AKT3: variants seen among roughly 807,000 people sequenced by gnomAD.
The protein encoded by AKT3 is AKT serine/threonine kinase 3.
Under a neutral mutation model 65.3 loss-of-function variants are expected in AKT3, and 15 were observed. That is an observed-to-expected ratio of 0.23 (90% CI 0.15 to 0.35). AKT3 has a LOEUF of 0.35. Ranked by LOEUF, AKT3 falls within the 10% of genes least tolerant of loss-of-function variation. AKT3 has a pLI of 1.00. For synonymous variants in AKT3, 206 were observed against 183.8 expected (o/e 1.12, Z -0.98); for missense variants, 243 against 576.5 (o/e 0.42, Z 5.92).
intron 6 of AKT3, among the ~76,000 whole-genome samples, chr1:243,624,192 G>A (rs6675851): frequency 0.21 from 32,327 of 152,066 alleles, 3,674 homozygotes; most frequent in African/African-American, 0.27. Flanking sequence ...ATGCCTAAAT[G>A]GGTATACAGT....
At chr1:243,499,170 T>G (rs1668850608), downstream of AKT3, among the ~76,000 whole-genome samples, 1 of 152,244 alleles carries the variant, frequency 6.6e-6, no homozygotes, top group Non-Finnish European at 1.5e-5. Context: ...GAAGCTACTT[T>G]GGAACATTTG....
chr1:243,701,419 T>C (rs1685454730), intron 2 of AKT3, among the ~76,000 whole-genome samples: 1 of 152,214 alleles, frequency 6.6e-6, no homozygotes, highest in Non-Finnish European at 1.5e-5. Flanking sequence ...TTGAGAATAC[T>C]GCAGAAATAC....
chr1:243,689,490 T>A (rs971378075), intron 3 of AKT3, among the ~76,000 whole-genome samples: 1 of 150,616 alleles, frequency 6.6e-6, no homozygotes, highest in Non-Finnish European at 1.5e-5. Flanking sequence ...AGATTTTTTT[T>A]TTTTTTTTTT....
intron 2 of AKT3, among the ~76,000 whole-genome samples, chr1:243,713,354 C>A (rs373714905): frequency 6.6e-6 from 1 of 152,006 alleles, no homozygotes. Context: ...GTATTAAACC[C>A]CTAAACTAAT....
intron 3 of AKT3, among the ~76,000 whole-genome samples, chr1:243,667,170 G>A (rs949343025): frequency 1.3e-5 from 2 of 152,206 alleles, no homozygotes; most frequent in East Asian, 1.9e-4. Flanking sequence ...GAGACCATTC[G>A]TAACTGGTTT....
chr1:243,789,115 CA>C (rs1341477742), intron 2 of AKT3, among the ~76,000 whole-genome samples: 1 of 152,208 alleles, frequency 6.6e-6, no homozygotes, highest in Non-Finnish European at 1.5e-5. Context: ...TGGTAGCTCA[CA>C]CCTGTATTCC....
intron 2 of AKT3, among the ~76,000 whole-genome samples, chr1:243,825,860 G>A (rs1319656168): frequency 1.3e-5 from 2 of 151,920 alleles, no homozygotes; most frequent in Admixed American, 6.6e-5. Context: ...AGCCAGGTGC[G>A]GTGGCTCACA....
intron 12 of AKT3, among the ~76,000 whole-genome samples, chr1:243,531,531 CATTTTCAGTTTTTGTAGTACGGT>C (rs1216854394): frequency 6.6e-6 from 1 of 152,140 alleles, no homozygotes. Context: ...TTTTATGGTG[CATTTTCAGTTTTTGTAGTACGGT>C]ATTCTGTAAA....
At chr1:243,787,692 A>G (rs1691354189) in intron 2 of AKT3, among the ~76,000 whole-genome samples, 1 of 151,996 alleles carries the variant, frequency 6.6e-6, no homozygotes, top group Admixed American at 6.6e-5. Flanking sequence ...ATCCCAATTC[A>G]CCCCAGACTC....
chr1:243,626,107 T>C (rs1679140104), intron 6 of AKT3, among the ~76,000 whole-genome samples: 1 of 152,198 alleles, frequency 6.6e-6, no homozygotes, highest in South Asian at 2.1e-4. Context: ...ATACTGTGAC[T>C]GAAGGGGCCC....
intron 2 of AKT3, among the ~76,000 whole-genome samples, chr1:243,773,823 T>A (rs761450918): frequency 1.3e-5 from 2 of 152,228 alleles, no homozygotes; most frequent in Admixed American, 6.5e-5. Context: ...CTCTTCTCTA[T>A]AAATATCTCC....
intron 12 of AKT3, among the ~76,000 whole-genome samples, chr1:243,525,250 T>C (rs1670969293): frequency 6.6e-6 from 1 of 152,162 alleles, no homozygotes; most frequent in Non-Finnish European, 1.5e-5. Flanking sequence ...AGTTCATCCA[T>C]GATGACTGGC....
chr1:243,683,121 C>T (rs1684040583), intron 3 of AKT3, among the ~76,000 whole-genome samples: 1 of 152,172 alleles, frequency 6.6e-6, no homozygotes, highest in Non-Finnish European at 1.5e-5. Flanking sequence ...GTGGGCTCTG[C>T]CATTTGCCAA....
intron 2 of AKT3, among the ~76,000 whole-genome samples, chr1:243,744,521 C>T (rs193027257): frequency 4.9e-4 from 75 of 151,998 alleles, no homozygotes; most frequent in African/African-American, 1.6e-3. Context: ...GGGTGGATCA[C>T]GAGGTCAGGA....
intron 2 of AKT3, among the ~76,000 whole-genome samples, chr1:243,751,007 A>G (rs1688779159): frequency 6.6e-6 from 1 of 152,234 alleles, no homozygotes; most frequent in Non-Finnish European, 1.5e-5. Flanking sequence ...ACAAACACAC[A>G]GAAAGTGAGA....
intron 8 of AKT3, among the ~76,000 whole-genome samples, chr1:243,583,762 T>C (rs1250494770): frequency 6.6e-6 from 1 of 151,836 alleles, no homozygotes; most frequent in East Asian, 1.9e-4. Context: ...AAAATAGTAT[T>C]TGAAATAAAT....
chr1:243,524,848 A>G (rs7523742), intron 12 of AKT3, among the ~76,000 whole-genome samples: 143,645 of 152,288 alleles, frequency 0.94, 67,819 homozygotes, highest in East Asian at 1. Context: ...GGAAGCAACT[A>G]AAAACAGGCA....
chr1:243,618,798 A>T (rs1678528096), intron 6 of AKT3, among the ~76,000 whole-genome samples: 1 of 152,048 alleles, frequency 6.6e-6, no homozygotes, highest in Admixed American at 6.6e-5. Context: ...ATTACACACG[A>T]TCTAAAGTTC....
intron 2 of AKT3, among the ~76,000 whole-genome samples, chr1:243,699,507 A>ATATATAT (rs1685299450): frequency 1.1e-5 from 1 of 93,242 alleles, no homozygotes; most frequent in African/African-American, 4.2e-5. Flanking sequence ...ATATATATAT[A>ATATATAT]TATATAATCT....
Sources: gnomAD v4.1 joint callset for allele counts (sites outside exome capture counted in the v4.1 genomes callset) on GRCh38, gnomAD v4.1.1 for gene constraint, MANE v1.5 for transcripts, NCBI Gene and HGNC (gene_info 2026-07-23, HGNC 2026-07-21) for gene names.